TANC1: variants seen among roughly 807,000 people sequenced by gnomAD.
The protein encoded by TANC1 is tetratricopeptide repeat, ankyrin repeat and coiled-coil containing 1.
Under a neutral mutation model 149.7 loss-of-function variants are expected in TANC1, and 77 were observed. The ratio of observed to expected loss-of-function variants is 0.51; its 90% confidence interval spans 0.43 to 0.62. The LOEUF is 0.62. TANC1 is among the 20% of genes least tolerant of loss of function. The probability of loss-of-function intolerance (pLI) is 0.00; values close to 1 mark genes in which losing one functional copy is unlikely to be tolerated. For synonymous variants in TANC1, 854 were observed against 925.0 expected, an observed-to-expected ratio of 0.92 and a Z score of 1.39; for missense variants, 1,985 against 2,321.8, an observed-to-expected ratio of 0.85 and a Z score of 2.98.
intron 14 of TANC1, among the ~76,000 whole-genome samples, chr2:159,179,598 C>T (rs1325346666): frequency 6.6e-6 from 1 of 152,118 alleles, no homozygotes; most frequent in Non-Finnish European, 1.5e-5. Context: ...ACCTCCACTC[C>T]CCTGCCACCC....
intron 1 of TANC1, among the ~76,000 whole-genome samples, chr2:158,970,427 G>T (rs2032687736): frequency 6.6e-6 from 1 of 152,118 alleles, no homozygotes; most frequent in South Asian, 2.1e-4. Context: ...CTTCTTGATT[G>T]CTGGGAATGA....
At chr2:159,111,721 T>C (rs574965156) in intron 4 of TANC1, among the ~76,000 whole-genome samples, 1 of 152,258 alleles carries the variant, frequency 6.6e-6, no homozygotes, top group East Asian at 1.9e-4. Context: ...GTGCACACAA[T>C]GGAATGCAAG....
At chr2:159,098,036 G>A (rs1298533501) in intron 4 of TANC1, among the ~76,000 whole-genome samples, 1 of 151,686 alleles carries the variant, frequency 6.6e-6, no homozygotes, top group African/African-American at 2.4e-5. Context: ...GGACTACCAG[G>A]CTAGATTTTT....
intron 5 of TANC1, among the ~76,000 whole-genome samples, chr2:159,140,686 A>ATTTTTTTTT (rs375936311): frequency 3.6e-5 from 4 of 109,802 alleles, no homozygotes; most frequent in African/African-American, 7.1e-5. Context: ...GAGATTCTCT[A>ATTTTTTTTT]TTTTTTTTTT....
chr2:158,997,448 T>C (rs1169104295), intron 1 of TANC1, among the ~76,000 whole-genome samples: 3 of 152,242 alleles, frequency 2.0e-5, no homozygotes, highest in African/African-American at 7.2e-5. Flanking sequence ...ACACATGTAT[T>C]TCCTAGATCT....
At chr2:159,140,706 T>TC (rs1252648588) in intron 5 of TANC1, among the ~76,000 whole-genome samples, 2 of 149,984 alleles carry the variant, frequency 1.3e-5, no homozygotes, top group African/African-American at 4.9e-5. Context: ...TTTTTTTTTT[T>TC]TGAGATGGAG....
chr2:159,222,018 T>C (rs570845023), intron 22 of TANC1, among the ~76,000 whole-genome samples: 1 of 152,304 alleles, frequency 6.6e-6, no homozygotes, highest in South Asian at 2.1e-4. Context: ...GTGGAAGCCA[T>C]GGCCCTGTAC....
At chr2:159,165,160 A>C (rs2054458481) in intron 8 of TANC1, among the ~76,000 whole-genome samples, 1 of 152,214 alleles carries the variant, frequency 6.6e-6, no homozygotes, top group Non-Finnish European at 1.5e-5. Context: ...ACAGTGTTAA[A>C]AGCATCCCAT....
chr2:159,062,527 A>G (rs1228595368), intron 2 of TANC1, among the ~76,000 whole-genome samples: 1 of 152,214 alleles, frequency 6.6e-6, no homozygotes, highest in South Asian at 2.1e-4. Flanking sequence ...GATGCAGAAG[A>G]GGAGAGCCTG....
chr2:159,207,301 GA>G (rs2058671779), intron 19 of TANC1, among the ~76,000 whole-genome samples: 1 of 152,220 alleles, frequency 6.6e-6, no homozygotes, highest in African/African-American at 2.4e-5. Flanking sequence ...CTCAGAAAAA[GA>G]GAAGCACTTT....
At chr2:159,104,298 C>A (rs2046966955) in intron 4 of TANC1, among the ~76,000 whole-genome samples, 1 of 95,222 alleles carries the variant, frequency 1.1e-5, no homozygotes, top group African/African-American at 2.9e-5. Context: ...TATTCCCCTG[C>A]CAATGAGTCC....
At chr2:159,100,141 T>C (rs775361828) in intron 4 of TANC1, among the ~76,000 whole-genome samples, 56 of 152,258 alleles carry the variant, frequency 3.7e-4, no homozygotes, top group Admixed American at 1.8e-3. Context: ...TTTGACCTTT[T>C]GTACAATTTG....
chr2:159,000,691 C>T, intron 1 of TANC1, among the ~76,000 whole-genome samples: 1 of 151,876 alleles, frequency 6.6e-6, no homozygotes, highest in Non-Finnish European at 1.5e-5. Flanking sequence ...ACTCAAGGGA[C>T]ATCCGAGAGC....
intron 3 of TANC1, among the ~76,000 whole-genome samples, chr2:159,096,293 ATT>A (rs35914993): frequency 1.5e-4 from 19 of 130,698 alleles, no homozygotes; most frequent in Non-Finnish European, 1.3e-4. Context: ...GACTGGCTGT[ATT>A]TTTTTTTTTT....
In TANC1 at chr2:159,101,899, C is replaced by T. The variant is rs1269555674; in HGVS notation, c.259+4065C>T. Among the ~76,000 whole-genome samples, 5 of 152,294 alleles carry T rather than the reference C, an allele frequency of 3.3e-5. No individual in the cohort carries two copies. In the East Asian group the frequency reaches 7.7e-4, roughly 24 times the overall value. ...ATGGTGACAAGTGGGCGATACTGCC[C>T]TACTCCTTGTATGGAGACACTGGAG... is the stretch of plus-strand genomic sequence containing the variant. On this transcript the variant is annotated intron_variant, in intron 4 of 26. Coordinates refer to ENST00000263635, the MANE Select transcript of TANC1 (RefSeq NM_033394.3).
intron 16 of TANC1, among the ~76,000 whole-genome samples, chr2:159,190,337 C>G (rs1446759242): frequency 6.6e-6 from 1 of 152,148 alleles, no homozygotes; most frequent in Non-Finnish European, 1.5e-5. Flanking sequence ...AGGGAATTTA[C>G]AAATGATCCT....
chr2:159,141,729 A>G (rs940461404), intron 5 of TANC1, among the ~76,000 whole-genome samples: 2 of 152,228 alleles, frequency 1.3e-5, no homozygotes, highest in Non-Finnish European at 2.9e-5. Flanking sequence ...AAGTTACAGT[A>G]GGGAAACAGG....
At chr2:159,167,893 G>C (rs2054769804) in intron 8 of TANC1, among the ~76,000 whole-genome samples, 1 of 152,114 alleles carries the variant, frequency 6.6e-6, no homozygotes, top group Non-Finnish European at 1.5e-5. Flanking sequence ...CTGGATGCTG[G>C]GTCAGAGCCT....
intron 16 of TANC1, among the ~76,000 whole-genome samples, chr2:159,188,765 A>G (rs1354096285): frequency 6.6e-6 from 1 of 152,234 alleles, no homozygotes; most frequent in African/African-American, 2.4e-5. Context: ...TCTGGTCCTC[A>G]TGATCGTATT....
Sources: gnomAD v4.1 joint callset for allele counts (sites outside exome capture counted in the v4.1 genomes callset) on GRCh38, gnomAD v4.1.1 for gene constraint, MANE v1.5 for transcripts, NCBI Gene and HGNC (gene_info 2026-07-23, HGNC 2026-07-21) for gene names.